Variants in IFNLR1 observed in about 807,000 individuals in gnomAD.
IFNLR1 encodes the protein CRF2-12.
Under a neutral mutation model 52.5 loss-of-function variants are expected in IFNLR1, and 28 were observed. The ratio of observed to expected loss-of-function variants is 0.53; its 90% CI spans 0.40 to 0.73. The LOEUF (loss-of-function observed/expected upper bound fraction) is 0.73, where lower values mean the gene tolerates loss of function less well. Ranked by LOEUF, IFNLR1 falls within the 30% of genes least tolerant of loss-of-function variation. The pLI is 0.00. For missense variants in IFNLR1, 623 were observed against 659.1 expected (o/e 0.95, Z 0.60); for synonymous variants, 276 against 274.9 (o/e 1.00, Z -0.04).
chr1:24,162,876 T>TCTCCTTCCTTCCTTCCTTCCTTCCTTCC (rs1644474541), intron 3 of IFNLR1, among the ~76,000 whole-genome samples: 9 of 22,582 alleles, frequency 4.0e-4, no homozygotes, highest in Non-Finnish European at 5.6e-4. Context: ...TCTTTCTTTC[T>TCTCCTTCCTTCCTTCCTTCCTTCCTTCC]TTCCTTCCTT....
At chr1:24,161,497 G>A (rs1412308299) in intron 4 of IFNLR1, 45 bp downstream of exon 4, 2 of 1,551,552 alleles carry the variant, frequency 1.3e-6, no homozygotes, top group Non-Finnish European at 1.7e-6. Flanking sequence ...GTAAGAAGGG[G>A]TGGAGGAGCG....
Position 24,178,768 on chromosome 1 carries a change from A to C in IFNLR1, c.182+1963T>G, listed in dbSNP as rs182328717. Among the ~76,000 whole-genome samples the C allele has an allele frequency of 9.8e-5, 15 of 152,328 alleles. No homozygotes were observed. The East Asian group carries it at 2.3e-3, about 23-fold the overall frequency. Reference sequence around the variant, plus strand: ...TCTTGAAAATTGATAAAGGAAAAAAATTAAGCATTTATCCTCTCTTGCCTA... The same window carrying C: ...TCTTGAAAATTGATAAAGGAAAAAACTTAAGCATTTATCCTCTCTTGCCTA... On this transcript the variant is annotated intron_variant, in intron 2 of 6. Transcript: ENST00000327535.
At chr1:24,165,006 G>A (rs994432752) in intron 3 of IFNLR1, among the ~76,000 whole-genome samples, 13 of 152,186 alleles carry the variant, frequency 8.5e-5, no homozygotes, top group African/African-American at 3.1e-4. Context: ...CAGGTGATCT[G>A]CTCGCCTCGG....
intron 1 of IFNLR1, among the ~76,000 whole-genome samples, chr1:24,181,464 G>A (rs543533512): frequency 6.6e-6 from 1 of 152,250 alleles, no homozygotes; most frequent in Non-Finnish European, 1.5e-5. Flanking sequence ...GATCATTCAA[G>A]CATTTGCCCT....
At chr1:24,187,045 TGG>T in intron 1 of IFNLR1, 144 bp downstream of exon 1, 1 of 443,990 alleles carries the variant, frequency 2.3e-6, no homozygotes, top group Non-Finnish European at 3.9e-6. Flanking sequence ...AGAAGCAAAC[TGG>T]GGGCGCGTAG....
chr1:24,160,338 C>T (rs192943418), intron 4 of IFNLR1, among the ~76,000 whole-genome samples: 1 of 152,312 alleles, frequency 6.6e-6, no homozygotes, highest in East Asian at 1.9e-4. Flanking sequence ...AAGTACAAAA[C>T]ACACATCAGA....
intron 3 of IFNLR1, 97 bp from the exon 4 acceptor site, chr1:24,161,781 T>A: frequency 1.6e-6 from 2 of 1,247,728 alleles, no homozygotes; most frequent in Non-Finnish European, 2.2e-6. Flanking sequence ...GAAAAGCAAC[T>A]AGCATGTTTC....
chr1:24,162,744 C>CTTTTTTTCTTCTTTCT (rs1557643782), intron 3 of IFNLR1, among the ~76,000 whole-genome samples: 1 of 39,196 alleles, frequency 2.6e-5, no homozygotes, highest in African/African-American at 9.4e-5. Context: ...TTCTTTCTTT[C>CTTTTTTTCTTCTTTCT]TTTCTTTCTT....
intron 3 of IFNLR1, 53 bp from the exon 4 acceptor site, chr1:24,161,737 C>T (rs1201816161): frequency 8.3e-6 from 12 of 1,443,186 alleles, no homozygotes; most frequent in Non-Finnish European, 1.1e-5. Flanking sequence ...GCACTGCCTC[C>T]ATCCCCCAAG....
At position 24,169,725 on chromosome 1, in the gene IFNLR1, C is replaced by T. The variant is rs567491317; in HGVS notation, c.183-124G>A. ...CTGACTTTAGGTCCATCCGTCCAGA[C>T]AGGCAGCCACTGGCTGAGACAGGAT... is the stretch of plus-strand genomic sequence containing the variant. On this transcript the variant is annotated intron_variant, in intron 2 of 6. Coordinates refer to ENST00000327535, the MANE Select transcript of IFNLR1 (RefSeq NM_170743.4). 4.0e-5 allele frequency: 39 copies of T among 967,288 alleles called. No individual in the cohort carries two copies. In the East Asian group the frequency reaches 6.5e-4, roughly 16 times the overall value. 59.9% of individuals were successfully genotyped at this position (967,288 alleles called of 1,614,324 possible). A position where few individuals can be genotyped will look rare whatever the true frequency, so the allele number is the denominator to read the frequency against.
chr1:24,158,801 C>T (rs1644408550), intron 6 of IFNLR1, among the ~76,000 whole-genome samples: 1 of 152,230 alleles, frequency 6.6e-6, no homozygotes, highest in African/African-American at 2.4e-5. Flanking sequence ...GCAGCTGACA[C>T]ATCCTTAGCA....
intron 1 of IFNLR1, among the ~76,000 whole-genome samples, chr1:24,184,417 C>A (rs762432500): frequency 1.3e-5 from 2 of 152,264 alleles, no homozygotes; most frequent in East Asian, 3.9e-4. Flanking sequence ...TTTCCTTGGC[C>A]TCAGAATAAA....
chr1:24,186,567 C>T (rs953833914), intron 1 of IFNLR1, among the ~76,000 whole-genome samples: 1 of 152,092 alleles, frequency 6.6e-6, no homozygotes, highest in African/African-American at 2.4e-5. Context: ...CCTTCTCTTC[C>T]CTGCTTCGGT....
chr1:24,185,661 C>T (rs1027580812), intron 1 of IFNLR1, among the ~76,000 whole-genome samples: 2 of 152,210 alleles, frequency 1.3e-5, no homozygotes, highest in Non-Finnish European at 2.9e-5. Context: ...CTCCCAGCTT[C>T]TGGACTTCCT....
At chr1:24,181,021 C>T (rs986138635) in intron 1 of IFNLR1, among the ~76,000 whole-genome samples, 167 bp from the exon 2 acceptor site, 2 of 152,102 alleles carry the variant, frequency 1.3e-5, no homozygotes, top group Non-Finnish European at 2.9e-5. Flanking sequence ...AGAGAAGACC[C>T]TTTGCCAGGA....
intron 2 of IFNLR1, among the ~76,000 whole-genome samples, chr1:24,179,475 C>T (rs961308230): frequency 3.3e-4 from 51 of 152,288 alleles, no homozygotes; most frequent in Admixed American, 1.6e-3. Context: ...CACCTGATAA[C>T]GCTCTTGCTT....
chr1:24,173,390 A>G (rs1196378064), intron 2 of IFNLR1, among the ~76,000 whole-genome samples: 2 of 152,218 alleles, frequency 1.3e-5, no homozygotes, highest in Admixed American at 6.5e-5. Context: ...ATAATAAAAT[A>G]CTACTACATA....
At chr1:24,179,951 A>T (rs991635620) in intron 2 of IFNLR1, among the ~76,000 whole-genome samples, 2 of 152,172 alleles carry the variant, frequency 1.3e-5, no homozygotes, top group Non-Finnish European at 2.9e-5. Context: ...ATTTCTCTGG[A>T]TTCGCTGTGG....
At chr1:24,175,472 T>G (rs920313925) in intron 2 of IFNLR1, among the ~76,000 whole-genome samples, 2 of 152,242 alleles carry the variant, frequency 1.3e-5, no homozygotes, top group African/African-American at 4.8e-5. Context: ...GGAAAGTCTA[T>G]CCCATGCATG....
Sources: allele counts gnomAD v4.1 joint callset (sites outside exome capture counted in the v4.1 genomes callset), GRCh38; gene constraint gnomAD v4.1.1; transcripts MANE v1.5; gene names NCBI Gene and HGNC (gene_info 2026-07-23, HGNC 2026-07-21).